Variants in LOC400499 observed in about 807,000 individuals in gnomAD.
the LOC400499 span, chr16:11,521,924 G>C: frequency 2.5e-6 from 1 of 399,140 alleles, no homozygotes; most frequent in East Asian, 3.6e-5. Context: ...GCATCAACGT[G>C]ATCTCCCGGT....
At chr16:11,469,972 G>A in the LOC400499 span, among the ~76,000 whole-genome samples, 2 of 152,240 alleles carry the variant, frequency 1.3e-5, no homozygotes, top group South Asian at 4.1e-4. Context: ...GCATGATCTC[G>A]GCTCACTGCA....
At chr16:11,390,617 A>C in the LOC400499 span, among the ~76,000 whole-genome samples, 1 of 152,126 alleles carries the variant, frequency 6.6e-6, no homozygotes, top group African/African-American at 2.4e-5. Flanking sequence ...GGCACTGGAG[A>C]TTGCAGGGGA....
the LOC400499 span, among the ~76,000 whole-genome samples, chr16:11,436,149 G>A: frequency 6.6e-6 from 1 of 152,184 alleles, no homozygotes; most frequent in African/African-American, 2.4e-5. Context: ...TACAAATGGG[G>A]AAACTGAGGC....
At chr16:11,506,254 A>G in the LOC400499 span, among the ~76,000 whole-genome samples, 1 of 151,974 alleles carries the variant, frequency 6.6e-6, no homozygotes, top group East Asian at 1.9e-4. Flanking sequence ...TGAACTCCTG[A>G]CCTCAGGTGA....
At chr16:11,451,347 A>C in the LOC400499 span, among the ~76,000 whole-genome samples, 1 of 152,248 alleles carries the variant, frequency 6.6e-6, no homozygotes, top group Non-Finnish European at 1.5e-5. Context: ...TGGGAGGCCA[A>C]GGCAGGAGGA....
chr16:11,464,441 T>C, the LOC400499 span, among the ~76,000 whole-genome samples: 1 of 152,248 alleles, frequency 6.6e-6, no homozygotes. Flanking sequence ...ACACTAGTTG[T>C]AAATGTGTCA....
At chr16:11,376,858 T>C in the LOC400499 span, among the ~76,000 whole-genome samples, 65 of 152,172 alleles carry the variant, frequency 4.3e-4, 2 homozygotes, top group Non-Finnish European at 1.0e-4. Context: ...AACCGGTCTC[T>C]GGGACTCTAC....
chr16:11,403,970 C>T, the LOC400499 span, among the ~76,000 whole-genome samples: 1 of 152,228 alleles, frequency 6.6e-6, no homozygotes, highest in African/African-American at 2.4e-5. Context: ...CCTGCCTCGC[C>T]TCATCCCTTC....
the LOC400499 span, among the ~76,000 whole-genome samples, chr16:11,474,441 T>C: frequency 1.3e-5 from 2 of 152,248 alleles, no homozygotes; most frequent in Admixed American, 1.3e-4. Context: ...TTGAGTTGCT[T>C]CCTATTTTTT....
the LOC400499 span, chr16:11,462,435 T>C: frequency 7.8e-7 from 1 of 1,283,014 alleles, no homozygotes; most frequent in Non-Finnish European, 9.8e-7. Flanking sequence ...TTACCCAATT[T>C]TTCTTTTTCC....
At chr16:11,381,948 T>C in the LOC400499 span, among the ~76,000 whole-genome samples, 1 of 48,034 alleles carries the variant, frequency 2.1e-5, no homozygotes, top group Non-Finnish European at 5.6e-5. Flanking sequence ...CATTCTGGAA[T>C]TTTTTTTTTT....
the LOC400499 span, among the ~76,000 whole-genome samples, chr16:11,443,682 G>T: frequency 2.0e-5 from 3 of 152,092 alleles, no homozygotes; most frequent in African/African-American, 7.2e-5. Flanking sequence ...GCATAGAGAT[G>T]AGTACTGCTG....
the LOC400499 span, among the ~76,000 whole-genome samples, chr16:11,393,827 C>G: frequency 2.0e-5 from 3 of 152,326 alleles, no homozygotes; most frequent in Non-Finnish European, 1.5e-5. Context: ...CCTATAATCC[C>G]AGCACTTCAG....
the LOC400499 span, among the ~76,000 whole-genome samples, chr16:11,419,431 C>T: frequency 6.6e-6 from 1 of 151,740 alleles, no homozygotes; most frequent in African/African-American, 2.4e-5. Context: ...CTTCCTTACA[C>T]CTTATACAAA....
At chr16:11,508,275 G>T in the LOC400499 span, among the ~76,000 whole-genome samples, 35 of 152,286 alleles carry the variant, frequency 2.3e-4, no homozygotes, top group Non-Finnish European at 4.1e-4. Context: ...GATCACCAAC[G>T]AAGGAACTGG....
the LOC400499 span, chr16:11,461,004 C>A: frequency 1.3e-6 from 2 of 1,536,078 alleles, no homozygotes; most frequent in Non-Finnish European, 1.7e-6. Flanking sequence ...TGGTCCAGAG[C>A]TGGCCCCGTT....
the LOC400499 span, among the ~76,000 whole-genome samples, chr16:11,420,125 C>T: frequency 1.3e-5 from 2 of 149,788 alleles, no homozygotes; most frequent in South Asian, 4.2e-4. Flanking sequence ...AATCATGCTG[C>T]TATAAAGACA....
At chr16:11,493,777 G>A in the LOC400499 span, 1 of 389,966 alleles carries the variant, frequency 2.6e-6, no homozygotes, top group East Asian at 3.6e-5. Flanking sequence ...GTTGCCGACT[G>A]CCTTCAGCAC....
At chr16:11,401,573 TCA>T in the LOC400499 span, among the ~76,000 whole-genome samples, 2,943 of 152,288 alleles carry the variant, frequency 0.019, 98 homozygotes, top group African/African-American at 0.067. Flanking sequence ...TCAGTCCATT[TCA>T]CAGAGGAGGA....
Sources: gnomAD v4.1 joint callset for allele counts (sites outside exome capture counted in the v4.1 genomes callset) on GRCh38, gnomAD v4.1.1 for gene constraint, MANE v1.5 for transcripts.